DDX27: variants seen among roughly 807,000 people sequenced by gnomAD.
DDX27 encodes probable ATP-dependent RNA helicase DDX27.
In DDX27, 42 loss-of-function variants were observed where a neutral mutation model predicts 99.3. That is an observed-to-expected ratio of 0.42 (90% CI 0.33 to 0.55). The LOEUF is 0.55. Among genes scored for constraint, DDX27 ranks in the 20% least tolerant of loss-of-function variants. The pLI, the probability that DDX27 is intolerant of heterozygous loss-of-function variation, is 0.07. For missense variants in DDX27, 798 were observed against 976.8 expected (o/e 0.82, Z 2.44); for synonymous variants, 329 against 353.8 (o/e 0.93, Z 0.79).
Position 49,236,621 on chromosome 20 carries a change from G to T in DDX27, c.1687+111G>T. The T allele has an allele frequency of 9.1e-7, 1 of 1,104,284 alleles. No homozygotes were observed. Among genetic ancestry groups the T allele is most frequent in the Non-Finnish European group, 1.2e-6 (1 of 828,184 alleles). The allele number at this position is 1,104,284 out of a possible 1,614,324, so 68.4% of individuals were successfully genotyped here. A position where few individuals can be genotyped will look rare whatever the true frequency, so the allele number is the denominator to read the frequency against. On this transcript the variant is annotated intron_variant, in intron 14 of 20. Coordinates refer to ENST00000618172, the MANE Select transcript of DDX27 (RefSeq NM_017895.8). The surrounding 1 kb of genome is among the most constrained non-coding windows in gnomAD (Gnocchi z 4.1). ...AGTTCAGAGCCAGATTTGAATTCCAGCCCTGCTGCTTCCTTGCCGAGTGAC... is the reference window on the plus strand; with the variant it reads ...AGTTCAGAGCCAGATTTGAATTCCATCCCTGCTGCTTCCTTGCCGAGTGAC...
chr20:49,223,463 G>T, intron 4 of DDX27, 30 bp downstream of exon 4: 1 of 1,582,502 alleles, frequency 6.3e-7, no homozygotes. Flanking sequence ...TGTCAGTAAT[G>T]GGGACAGGAG....
chr20:49,225,259 G>A (rs1412478075), intron 6 of DDX27, 60 bp downstream of exon 6: 2 of 1,372,196 alleles, frequency 1.5e-6, no homozygotes, highest in Non-Finnish European at 2.1e-6. Flanking sequence ...TGTTGTCCAA[G>A]ATGGTCTCAA....
At chr20:49,228,253 A>G (rs1726186855) in intron 7 of DDX27, among the ~76,000 whole-genome samples, 2 of 151,882 alleles carry the variant, frequency 1.3e-5, no homozygotes, top group Non-Finnish European at 1.5e-5. Flanking sequence ...CTCCTTCCTC[A>G]GCCTCCTGAG....
At chr20:49,225,478 C>T (rs11908347) in intron 6 of DDX27, among the ~76,000 whole-genome samples, 25,717 of 116,592 alleles carry the variant, frequency 0.22, 2,644 homozygotes, top group Middle Eastern at 0.24. Flanking sequence ...TTTTTTGAGA[C>T]GGAGTCTCAC....
rs1980253505 is a variant in DDX27 at position 49,234,914 on chromosome 20, T to C, written c.1274-21T>C. On this transcript the variant is annotated intron_variant, in intron 11 of 20. Transcript: ENST00000618172. The stretch of plus-strand genomic sequence containing the variant: ...TAAGAGCCTAGAAACAGCTGCCAGC[T>C]CAGTCCTCTCTTCCTGCCAGCTTTG... 4 of 1,570,120 alleles carry C rather than the reference T, an allele frequency of 2.5e-6. No homozygotes were observed. In the South Asian group the frequency reaches 3.5e-5, roughly 14 times the overall value.
chr20:49,243,068 A>G (rs1798413813), intron 19 of DDX27, among the ~76,000 whole-genome samples: 4 of 151,962 alleles, frequency 2.6e-5, no homozygotes, highest in East Asian at 3.9e-4. Flanking sequence ...CTCCTTCCCC[A>G]TTTCCAGTTT....
rs186615533 is a variant in DDX27 at position 49,243,927 on chromosome 20, T to C, written c.*93T>C. On this transcript the variant is annotated 3_prime_UTR_variant, in exon 21 of 21. Coordinates refer to ENST00000618172, the MANE Select transcript of DDX27 (RefSeq NM_017895.8). ...CTGGTCTGTCTTTTCTCCATTTGTT[T>C]AAAAAAAAAACAAAAACAAAAAACA... is the stretch of plus-strand genomic sequence containing the variant. 42 of 1,329,242 alleles carry C rather than the reference T, an allele frequency of 3.2e-5. No homozygotes were observed. In the African/African-American group the frequency reaches 6.2e-4, roughly 20 times the overall value. 82.3% of individuals were successfully genotyped at this position (1,329,242 alleles called of 1,614,324 possible). A position where few individuals can be genotyped will look rare whatever the true frequency, so the allele number is the denominator to read the frequency against.
chr20:49,231,712 C>T (rs567137865), intron 9 of DDX27, among the ~76,000 whole-genome samples: 1 of 152,272 alleles, frequency 6.6e-6, no homozygotes, highest in African/African-American at 2.4e-5. Context: ...AGTGACCAAC[C>T]TCACATCCAC....
intron 4 of DDX27, 22 bp from the exon 5 acceptor site, chr20:49,224,923 T>C: frequency 6.2e-7 from 1 of 1,613,988 alleles, no homozygotes; most frequent in Non-Finnish European, 8.5e-7. Context: ...GCCGTGGTCA[T>C]CAGCTAAGTT....
chr20:49,233,801 C>T (rs1365732580), intron 11 of DDX27, 92 bp downstream of exon 11: 2 of 1,443,152 alleles, frequency 1.4e-6, no homozygotes, highest in Non-Finnish European at 1.9e-6. Flanking sequence ...TCCCCTGCGC[C>T]TCTGCCGTCC....
intron 2 of DDX27, among the ~76,000 whole-genome samples, chr20:49,222,732 C>T (rs998403710): frequency 1.1e-4 from 17 of 152,014 alleles, no homozygotes; most frequent in Admixed American, 4.6e-4. Flanking sequence ...AGGCTGGTCT[C>T]GAACTCCTGA....
intron 8 of DDX27, 43 bp from the exon 9 acceptor site, chr20:49,230,156 G>T: frequency 6.4e-7 from 1 of 1,573,660 alleles, no homozygotes; most frequent in East Asian, 2.2e-5. Context: ...ACACCCATGA[G>T]CAGCTGACCT....
At position 49,236,147 on chromosome 20, in the gene DDX27, T is replaced by C. The variant is rs767119179; in HGVS notation, c.1428-3T>C. 2 of 1,608,818 alleles carry C rather than the reference T, an allele frequency of 1.2e-6. No individual in the cohort carries two copies. Among genetic ancestry groups the C allele is most frequent in the Non-Finnish European group, 1.7e-6 (2 of 1,177,650 alleles). On this transcript the variant is annotated splice_polypyrimidine_tract_variant and splice_region_variant and intron_variant, in intron 12 of 20. Transcript: ENST00000618172. The surrounding 1 kb of genome is among the most constrained non-coding windows in gnomAD (Gnocchi z 4.1). ...ATGAACAGCTGTTTGTGACTGTTTCTAGGCGTTTTAAGGATGAACAGATTG... is the reference window on the plus strand; with the variant it reads ...ATGAACAGCTGTTTGTGACTGTTTCCAGGCGTTTTAAGGATGAACAGATTG...
chr20:49,223,345 C>G lies in DDX27; in HGVS notation c.378C>G (p.Asp126Glu). The G allele has an allele frequency of 6.2e-7, 1 of 1,614,006 alleles. No individual in the cohort carries two copies. Among genetic ancestry groups the G allele is most frequent in the African/African-American group, 1.3e-5 (1 of 75,016 alleles). The change falls in exon 4 of 21, where the codon GAC becomes GAG. Residue 126 changes from aspartate (D) to glutamate (E), a missense_variant. Asp to Glu is a conservative substitution (Grantham distance 45, BLOSUM62 2). Transcript: ENST00000618172. ...GCTCTGAACCAAAGGAGCAGGAAGA[C>G]CTTCAAGAGAATGATGAGGAAGGCT... Reference protein sequence around the residue: ...KEGSEPKEQEDLQENDEEGSE... With the variant: ...KEGSEPKEQEELQENDEEGSE...
intron 12 of DDX27, 37 bp downstream of exon 12, chr20:49,235,125 C>T (rs779995421): frequency 3.2e-6 from 5 of 1,551,972 alleles, no homozygotes; most frequent in Non-Finnish European, 4.3e-6. Flanking sequence ...TCCCACCATC[C>T]TTCTGGGGCA....
intron 19 of DDX27, 68 bp from the exon 20 acceptor site, chr20:49,243,561 G>T (rs1980550534): frequency 7.3e-7 from 1 of 1,372,762 alleles, no homozygotes; most frequent in African/African-American, 1.4e-5. Context: ...AGCTGGGGAG[G>T]GTGGGGGTGA....
rs1211570160 is a variant in DDX27 at position 49,242,072 on chromosome 20, A to C, written c.1993-11A>C. 2 of 1,614,000 alleles carry C rather than the reference A, an allele frequency of 1.2e-6. No individual in the cohort carries two copies. The highest frequency in any genetic ancestry group is 1.7e-6 in the Non-Finnish European group (2 of 1,179,994). ...GTGTGTTCCACACTCACACCTCCCC[A>C]CTCCCCCTAGGCAGAGGAAAGGTCT... is the stretch of plus-strand genomic sequence containing the variant. On this transcript the variant is annotated splice_polypyrimidine_tract_variant and intron_variant, in intron 17 of 20. Coordinates refer to ENST00000618172, the MANE Select transcript of DDX27 (RefSeq NM_017895.8).
At chr20:49,229,025 G>C in intron 8 of DDX27, 137 bp downstream of exon 8, 1 of 642,354 alleles carries the variant, frequency 1.6e-6, no homozygotes, top group Non-Finnish European at 2.3e-6. Flanking sequence ...TTAAAAACTG[G>C]AAGACTTTTT....
rs1355790349 is a variant in DDX27, at chr20:49,222,996, C to G, written c.280C>G (p.Arg94Gly). The G allele has an allele frequency of 1.2e-6, 2 of 1,612,608 alleles. No individual in the cohort carries two copies. Among genetic ancestry groups the G allele is most frequent in the African/African-American group, 1.3e-5 (1 of 74,772 alleles). Reference sequence around the variant, plus strand: ...ATTAGATGAGAAGATTGAGAAAGTTCGAAAGAAAAGGAAAACAGAGGTGAG... The same window carrying G: ...ATTAGATGAGAAGATTGAGAAAGTTGGAAAGAAAAGGAAAACAGAGGTGAG... Reference protein sequence around the residue: ...TTLDEKIEKVRKKRKTEDKEA... With the variant: ...TTLDEKIEKVGKKRKTEDKEA... Residue 94 changes from arginine to glycine, a missense_variant, in exon 3 of 21, where the codon CGA becomes GGA. Physicochemically the swap from Arg to Gly is moderately radical, Grantham distance 125. This residue lies in a region of DDX27 where 245 missense variants were observed against 248.8 expected (regional missense o/e 0.98). Coordinates refer to ENST00000618172, the MANE Select transcript of DDX27 (RefSeq NM_017895.8).
Sources: gnomAD v4.1 joint callset for allele counts (sites outside exome capture counted in the v4.1 genomes callset) on GRCh38, gnomAD v4.1.1 for gene constraint, gnomAD v4.1.1 regional missense constraint, Gnocchi (gnomAD v3.1) non-coding constraint, MANE v1.5 for transcripts, NCBI Gene and HGNC (gene_info 2026-07-23, HGNC 2026-07-21) for gene names.